COL18A1: variants seen among roughly 807,000 people sequenced by gnomAD.
The protein encoded by COL18A1 is collagen type XVIII alpha 1 chain.
Under a neutral mutation model 168.0 loss-of-function variants are expected in COL18A1, and 133 were observed. The ratio of observed to expected loss-of-function variants is 0.79; its 90% confidence interval spans 0.69 to 0.91. The LOEUF is 0.91. COL18A1 is among the 40% of genes least tolerant of loss of function. The pLI is 0.00. For missense variants in COL18A1, 2,126 were observed against 1,925.4 expected (o/e 1.10, Z -1.95); for synonymous variants, 949 against 809.0 (o/e 1.17, Z -2.94).
At chr21:45,414,096 G>A (rs2033375861) in intron 2 of COL18A1, among the ~76,000 whole-genome samples, 1 of 152,232 alleles carries the variant, frequency 6.6e-6, no homozygotes, top group African/African-American at 2.4e-5. Context: ...GGCCCTTTCT[G>A]TATTGGATGC....
At chr21:45,412,516 C>A (rs1355305575) in intron 2 of COL18A1, among the ~76,000 whole-genome samples, 1 of 152,082 alleles carries the variant, frequency 6.6e-6, no homozygotes, top group Non-Finnish European at 1.5e-5. Context: ...TGCTGGGATT[C>A]CAGGCGTGTG....
intron 38 of COL18A1, among the ~76,000 whole-genome samples, chr21:45,508,063 G>A (rs1473709185): frequency 6.6e-6 from 1 of 151,610 alleles, no homozygotes; most frequent in Non-Finnish European, 1.5e-5. Context: ...GGAGGTGGAT[G>A]GATGAGTAGA....
At chr21:45,411,247 C>G (rs1184779823) in intron 2 of COL18A1, among the ~76,000 whole-genome samples, 1 of 152,128 alleles carries the variant, frequency 6.6e-6, no homozygotes, top group Admixed American at 6.5e-5. Context: ...CCAGGTGACC[C>G]CATGGAGCCA....
intron 32 of COL18A1, among the ~76,000 whole-genome samples, chr21:45,502,344 C>T (rs1302094205): frequency 6.6e-6 from 1 of 152,214 alleles, no homozygotes; most frequent in Non-Finnish European, 1.5e-5. Flanking sequence ...CGTCTAAGGT[C>T]CCACCTGGAA....
intron 2 of COL18A1, among the ~76,000 whole-genome samples, chr21:45,451,500 G>A (rs184301720): frequency 5.4e-4 from 83 of 152,328 alleles, no homozygotes; most frequent in African/African-American, 1.7e-3. Context: ...GGGATCCCAC[G>A]GGGTTGGCGA....
At chr21:45,478,224 G>A (rs1308480940) in intron 8 of COL18A1, 103 bp from the exon 9 acceptor site, 4 of 1,500,180 alleles carry the variant, frequency 2.7e-6, no homozygotes, top group South Asian at 1.1e-5. Context: ...GGCGTCTGCC[G>A]CCTCGTGGGG....
intron 37 of COL18A1, chr21:45,506,317 C>A: frequency 2.7e-6 from 1 of 367,734 alleles, no homozygotes; most frequent in Non-Finnish European, 5.3e-6. Flanking sequence ...TCAGGCCCTC[C>A]AGGGCCACGT....
chr21:45,443,250 C>T lies in COL18A1; in HGVS notation c.107-24992C>T, dbSNP rs542051873. On this transcript the variant is annotated intron_variant, in intron 2 of 41. Coordinates refer to ENST00000651438, the MANE Select transcript of COL18A1 (RefSeq NM_001379500.1). This position sits in a 1 kb window ranked among gnomAD's most constrained non-coding sequence, Gnocchi z 5.2. ...GAGGTGCTTACCCCATGGCCCCAAC[C>T]GGCACAAGTGTGGCTGTCACAGCTG... Among the ~76,000 whole-genome samples, 2 of 152,044 alleles carry T rather than the reference C, an allele frequency of 1.3e-5. No homozygotes were observed. Among genetic ancestry groups the T allele is most frequent in the African/African-American group, 4.8e-5 (2 of 41,350 alleles).
Position 45,480,959 on chromosome 21 carries a change from G to T in COL18A1, c.1611+101G>T, listed in dbSNP as rs1388174780. 2.0e-6 allele frequency: 3 copies of T among 1,474,800 alleles called. No individual in the cohort carries two copies. The Admixed American group carries it at 5.9e-5, about 29-fold the overall frequency. 91.4% of individuals were successfully genotyped at this position (1,474,800 alleles called of 1,614,324 possible). A position where few individuals can be genotyped will look rare whatever the true frequency, so the allele number is the denominator to read the frequency against. On this transcript the variant is annotated intron_variant, in intron 13 of 41. Transcript: ENST00000651438. ...CCCTGCCCCGCCTCAGGCCTCCCCA[G>T]TCCCCGCCTCCTCACCTCATCTCCT...
chr21:45,434,889 C>T (rs2034059060), intron 2 of COL18A1, among the ~76,000 whole-genome samples: 1 of 152,152 alleles, frequency 6.6e-6, no homozygotes, highest in Non-Finnish European at 1.5e-5. Context: ...CTTTGAACAG[C>T]CGGTCCTAGA....
In COL18A1 at chr21:45,493,100, GCAGCCGTCGGGGATGGGGGAGATGC is replaced by G. The variant is rs1279493603; in HGVS notation, c.2215-56_2215-32del. ...GGGGGCAGCTGTCGGGGGAGATGGA[GCAGCCGTCGGGGATGGGGGAGATGC>G]CAGCCGCTCGGGCCTCACGGCCTGG... On this transcript the variant is annotated intron_variant, in intron 24 of 41. Coordinates refer to ENST00000651438, the MANE Select transcript of COL18A1 (RefSeq NM_001379500.1). 1.0e-5 allele frequency: 15 copies of G among 1,475,256 alleles called. No individual in the cohort carries two copies. The African/African-American group carries it at 2.0e-4, about 19-fold the overall frequency. The allele number at this position is 1,475,256 out of a possible 1,614,324, so 91.4% of individuals were successfully genotyped here.
chr21:45,476,048 C>T (rs1476191504), intron 5 of COL18A1, among the ~76,000 whole-genome samples: 1 of 152,180 alleles, frequency 6.6e-6, no homozygotes, highest in Non-Finnish European at 1.5e-5. Flanking sequence ...GAACGTGTTC[C>T]CTGCGGGGAC....
At chr21:45,438,302 ACT>A (rs1398990637) in intron 2 of COL18A1, among the ~76,000 whole-genome samples, 1 of 119,272 alleles carries the variant, frequency 8.4e-6, no homozygotes, top group Non-Finnish European at 1.7e-5. Context: ...ACACACACAC[ACT>A]CAGACACACA....
intron 2 of COL18A1, among the ~76,000 whole-genome samples, chr21:45,406,935 C>T (rs1006777274): frequency 1.3e-5 from 2 of 152,230 alleles, no homozygotes; most frequent in African/African-American, 4.8e-5. Context: ...ATGGGCTGTG[C>T]GTTCCTCTTC....
rs764301199 is a variant in COL18A1, at chr21:45,455,855, G to A, written c.107-12387G>A. 31 of 1,613,032 alleles carry A rather than the reference G, an allele frequency of 1.9e-5. No individual in the cohort carries two copies. The highest frequency in any genetic ancestry group is 2.2e-5 in the East Asian group (1 of 44,892). ...GGACGCGCCAGAGGAGAACATTGCC[G>A]GTGTCGGAGCCGAGATCCTGAACGT... On this transcript the variant is annotated intron_variant, in intron 2 of 41. Coordinates refer to ENST00000651438, the MANE Select transcript of COL18A1 (RefSeq NM_001379500.1).
chr21:45,461,656 C>T (rs1433376973), intron 2 of COL18A1, among the ~76,000 whole-genome samples: 1 of 152,196 alleles, frequency 6.6e-6, no homozygotes, highest in East Asian at 1.9e-4. Flanking sequence ...TCCTAGACCT[C>T]AGCCCCTGAC....
chr21:45,481,819 G>C (rs919528965), intron 13 of COL18A1, 144 bp from the exon 14 acceptor site: 13 of 715,992 alleles, frequency 1.8e-5, no homozygotes, highest in Non-Finnish European at 3.4e-5. Context: ...TCTCCCGTGA[G>C]CCCTGGGACT....
chr21:45,466,455 T>TTGAGCTCTCGCACCCGGGAAGGC (rs531647205), intron 2 of COL18A1, among the ~76,000 whole-genome samples: 6 of 152,044 alleles, frequency 3.9e-5, no homozygotes, highest in African/African-American at 1.2e-4. Context: ...CCCAGGAAGG[T>TTGAGCTCTCGCACCCGGGAAGGC]TGAGCTCTCG....
chr21:45,495,364 C>T lies in COL18A1; in HGVS notation c.2440C>T (p.Pro814Ser). The T allele has an allele frequency of 6.2e-7, 1 of 1,609,688 alleles. No individual in the cohort carries two copies. The highest frequency in any genetic ancestry group is 8.5e-7 in the Non-Finnish European group (1 of 1,178,120). The change falls in exon 29 of 42, where the codon CCC (proline) becomes TCC (serine). Residue 814 changes from proline (P) to serine (S), a missense_variant. Physicochemically the swap from Pro to Ser is moderately conservative, Grantham distance 74. Coordinates refer to ENST00000651438, the MANE Select transcript of COL18A1 (RefSeq NM_001379500.1). The part of the protein sequence containing the change: ...EIGFPGRPGR[P>S]GMNGLKGEKG... Reference sequence around the variant, plus strand: ...CCCCTGTGCTCCGCCCCAGGGTCGCCCCGGGATGAACGGATTGAAAGGAGA... The same window carrying T: ...CCCCTGTGCTCCGCCCCAGGGTCGCTCCGGGATGAACGGATTGAAAGGAGA...
Sources: gnomAD v4.1 joint callset for allele counts (sites outside exome capture counted in the v4.1 genomes callset) on GRCh38, gnomAD v4.1.1 for gene constraint, Gnocchi (gnomAD v3.1) non-coding constraint, MANE v1.5 for transcripts, NCBI Gene and HGNC (gene_info 2026-07-23, HGNC 2026-07-21) for gene names.